Variants in ANK1 observed in about 807,000 individuals in gnomAD.
The protein encoded by ANK1 is ankyrin 1.
In ANK1, 51 loss-of-function variants were observed where a neutral mutation model predicts 210.4. The ratio of observed to expected loss-of-function variants is 0.24; its 90% confidence interval spans 0.19 to 0.31. The LOEUF (loss-of-function observed/expected upper bound fraction) is 0.31. Among genes scored for constraint, ANK1 ranks in the 10% least tolerant of loss-of-function variants. The pLI, the probability that ANK1 is intolerant of heterozygous loss-of-function variation, is 1.00. For missense variants in ANK1, 2,051 were observed against 2,504.4 expected (o/e 0.82, Z 3.86); for synonymous variants, 967 against 1,025.9 (o/e 0.94, Z 1.10).
At chr8:41,773,708 C>T (rs1034104481) in intron 1 of ANK1, among the ~76,000 whole-genome samples, 2 of 152,162 alleles carry the variant, frequency 1.3e-5, no homozygotes, top group Non-Finnish European at 2.9e-5. Context: ...TTTCAAATCA[C>T]ATGTTCTGGA....
At chr8:41,790,390 G>A (rs1175729450) in intron 1 of ANK1, among the ~76,000 whole-genome samples, 7 of 152,004 alleles carry the variant, frequency 4.6e-5, no homozygotes, top group Admixed American at 4.6e-4. Flanking sequence ...CAGGTGATCC[G>A]CTCAGCTCAG....
chr8:41,888,094 T>G (rs1474722259), intron 1 of ANK1, among the ~76,000 whole-genome samples: 1 of 152,248 alleles, frequency 6.6e-6, no homozygotes, highest in African/African-American at 2.4e-5. Flanking sequence ...CTCCTCCCAC[T>G]GCAAGCCCCG....
rs7830156 is a variant in ANK1, at chr8:41,668,245, G to A, written c.5394+22C>T. ...CGATGCTGGGAAGGAACAGCAGCAC[G>A]CAGCTCCCCTCGGGCTCTCACCTGC... is the stretch of plus-strand genomic sequence containing the variant. On this transcript the variant is annotated intron_variant, in intron 39 of 42. Transcript: ENST00000289734. The A allele has an allele frequency of 7.5e-3, 12,165 of 1,614,020 alleles. 384 individuals are homozygous for A. In the African/African-American group the frequency reaches 0.098, roughly 13 times the overall value.
chr8:41,719,495 C>T (rs982409417), intron 10 of ANK1, among the ~76,000 whole-genome samples, 166 bp downstream of exon 10: 4 of 152,140 alleles, frequency 2.6e-5, no homozygotes, highest in African/African-American at 7.2e-5. Flanking sequence ...GAGGGGTGCA[C>T]ACCAGGCCCC....
At chr8:41,781,975 A>G (rs1436190071) in intron 1 of ANK1, among the ~76,000 whole-genome samples, 1 of 152,236 alleles carries the variant, frequency 6.6e-6, no homozygotes, top group Non-Finnish European at 1.5e-5. Context: ...CAGAGCGCCA[A>G]GAAACACCCC....
At chr8:41,689,927 A>G (rs1818796022) in intron 33 of ANK1, among the ~76,000 whole-genome samples, 1 of 152,084 alleles carries the variant, frequency 6.6e-6, no homozygotes, top group Non-Finnish European at 1.5e-5. Context: ...TCACTTTCAC[A>G]CCTAGGGAGC....
At chr8:41,761,838 T>A (rs1365385035) in intron 1 of ANK1, among the ~76,000 whole-genome samples, 1 of 150,320 alleles carries the variant, frequency 6.7e-6, no homozygotes, top group Non-Finnish European at 1.5e-5. Flanking sequence ...AGACAGGGGG[T>A]CCTCCCTCCA....
chr8:41,820,461 A>AC (rs1343089293), intron 1 of ANK1, among the ~76,000 whole-genome samples: 6 of 151,862 alleles, frequency 4.0e-5, no homozygotes, highest in Non-Finnish European at 8.8e-5. Flanking sequence ...CTCCCAAAGC[A>AC]CTGGGATTAC....
rs369776058 is a variant in ANK1, at chr8:41,871,192, G to A, written c.126+25163C>T. ...CATCGCCCCTGCATTGTTCTCTGAC[G>A]CATTTATGAGGCTGCATCTTCTCTC... On this transcript the variant is annotated intron_variant, in intron 1 of 42. Transcript: ENST00000265709. Among the ~76,000 whole-genome samples, 13 of 152,310 alleles carry A rather than the reference G, an allele frequency of 8.5e-5. No individual in the cohort carries two copies. The East Asian group carries it at 2.3e-3, about 27-fold the overall frequency.
At chr8:41,840,523 G>T in intron 1 of ANK1, among the ~76,000 whole-genome samples, 2 of 152,304 alleles carry the variant, frequency 1.3e-5, no homozygotes, top group African/African-American at 4.8e-5. Flanking sequence ...GGGGATGGAC[G>T]TCAGAGGTCC....
rs200045458 is a variant in ANK1 at position 41,793,897 on chromosome 8, GA to G, written c.27+3614del. Among the ~76,000 whole-genome samples, 1,174 of 152,302 alleles carry G rather than the reference GA, an allele frequency of 7.7e-3. 9 individuals carry two copies. Among genetic ancestry groups the G allele is most frequent in the African/African-American group, 0.027 (1,120 of 41,548 alleles). On this transcript the variant is annotated intron_variant, in intron 1 of 42. Coordinates refer to ENST00000289734, the MANE Select transcript of ANK1 (RefSeq NM_000037.4). ...TCATTAAATAGGAACGTGTAAGAGA[GA>G]GGGGGATTATTAATACCCAGGTATA...
intron 15 of ANK1, among the ~76,000 whole-genome samples, chr8:41,714,766 C>T (rs1311337988): frequency 1.3e-5 from 2 of 152,132 alleles, no homozygotes; most frequent in Non-Finnish European, 1.5e-5. Context: ...GAGACTGACA[C>T]TCGAGGATGG....
chr8:41,664,601 T>G (rs1163428016), intron 39 of ANK1, among the ~76,000 whole-genome samples: 1 of 151,862 alleles, frequency 6.6e-6, no homozygotes, highest in Non-Finnish European at 1.5e-5. Context: ...ACTGTCACAA[T>G]GCACTGGGCA....
chr8:41,800,829 C>T (rs1399362849), upstream of ANK1, among the ~76,000 whole-genome samples: 1 of 152,156 alleles, frequency 6.6e-6, no homozygotes, highest in East Asian at 1.9e-4. Context: ...ATCCTCCTGC[C>T]TCATCCTCCC....
chr8:41,796,018 G>A (rs922703530), intron 1 of ANK1, among the ~76,000 whole-genome samples: 1 of 152,146 alleles, frequency 6.6e-6, no homozygotes. Flanking sequence ...ACACTCACAT[G>A]TATTCCACAA....
chr8:41,663,938 G>A, intron 39 of ANK1, 196 bp from the exon 40 acceptor site: 1 of 666,740 alleles, frequency 1.5e-6, no homozygotes, highest in Non-Finnish European at 2.7e-6. Flanking sequence ...TGAGGGTCTG[G>A]GAGGCCTGAA....
chr8:41,694,836 C>A lies in ANK1; in HGVS notation c.3116-33G>T. 6.2e-7 allele frequency: 1 copy of A among 1,606,624 alleles called. No individual in the cohort carries two copies. Among genetic ancestry groups the A allele is most frequent in the South Asian group, 1.1e-5 (1 of 90,448 alleles). ...CACACACACAGGCCACCACCCCGGT[C>A]ACATCAGGCACAGGTTCAGGACTTC... is the stretch of plus-strand genomic sequence containing the variant. On this transcript the variant is annotated intron_variant, in intron 27 of 42. Coordinates refer to ENST00000289734, the MANE Select transcript of ANK1 (RefSeq NM_000037.4). This position sits in a 1 kb window ranked among gnomAD's most constrained non-coding sequence, Gnocchi z 5.7.
At chr8:41,671,171 G>T (rs1418864902) in intron 38 of ANK1, among the ~76,000 whole-genome samples, 1 of 152,154 alleles carries the variant, frequency 6.6e-6, no homozygotes, top group Admixed American at 6.5e-5. Flanking sequence ...GGCACAGGGC[G>T]GGGGCTTCTC....
intron 1 of ANK1, among the ~76,000 whole-genome samples, chr8:41,782,085 C>CAATGTTT (rs1845457936): frequency 6.6e-6 from 1 of 152,160 alleles, no homozygotes; most frequent in Non-Finnish European, 1.5e-5. Flanking sequence ...ATGTGCAGAG[C>CAATGTTT]CCTCCATCTA....
Sources: allele counts gnomAD v4.1 joint callset (sites outside exome capture counted in the v4.1 genomes callset), GRCh38; gene constraint gnomAD v4.1.1; non-coding constraint Gnocchi (gnomAD v3.1); transcripts MANE v1.5; gene names NCBI Gene and HGNC (gene_info 2026-07-23, HGNC 2026-07-21).